Variants in INO80 observed in about 807,000 individuals in gnomAD.
INO80 encodes the protein chromatin-remodeling ATPase INO80.
A neutral mutation model predicts 203.4 loss-of-function variants in INO80; 20 were observed. The ratio of observed to expected loss-of-function variants is 0.10; its 90% confidence interval spans 0.07 to 0.14. The LOEUF is 0.14. Among genes scored for constraint, INO80 ranks in the 10% least tolerant of loss-of-function variants. The pLI, the probability that INO80 is intolerant of heterozygous loss-of-function variation, is 1.00. For synonymous variants in INO80, 726 were observed against 685.2 expected (o/e 1.06, Z -0.93); for missense variants, 1,419 against 1,914.4 (o/e 0.74, Z 4.83).
chr15:41,005,127 G>A (rs1292912960), intron 28 of INO80, among the ~76,000 whole-genome samples: 3 of 150,044 alleles, frequency 2.0e-5, no homozygotes, highest in South Asian at 2.1e-4. Flanking sequence ...CCGGGGAGGC[G>A]GAGGCTGCAG....
At chr15:41,079,589 A>C in intron 9 of INO80, 112 bp downstream of exon 9, 2 of 1,038,030 alleles carry the variant, frequency 1.9e-6, no homozygotes, top group African/African-American at 1.6e-5. Context: ...AAAAAAAAAA[A>C]ACAAAAAATT....
chr15:41,085,594 A>C lies in INO80; in HGVS notation c.659-11T>G. ...CTTTTTTCAACTTAGCTGCAAAAGA[A>C]ACAGATGCAACAGGTTGCACTTCCA... On this transcript the variant is annotated splice_polypyrimidine_tract_variant and intron_variant, in intron 6 of 35. Transcript: ENST00000648947. The C allele has an allele frequency of 6.2e-7, 1 of 1,607,936 alleles. No homozygotes were observed. The highest frequency in any genetic ancestry group is 8.5e-7 in the Non-Finnish European group (1 of 1,175,194).
At position 41,029,668 on chromosome 15, in the gene INO80, G is replaced by A. The variant is rs16971432; in HGVS notation, c.2908-1932C>T. Among the ~76,000 whole-genome samples the A allele has an allele frequency of 8.2e-3, 1,249 of 152,262 alleles. 22 individuals are homozygous for A. The highest frequency in any genetic ancestry group is 0.027 in the African/African-American group (1,123 of 41,550). On this transcript the variant is annotated intron_variant, in intron 24 of 35. Coordinates refer to ENST00000648947, the MANE Select transcript of INO80 (RefSeq NM_017553.3). ...CATCTTGATTTTGGGTAGCATCTCC[G>A]TTGAAGTTCATTATCTCTCTACATG...
intron 7 of INO80, 32 bp from the exon 8 acceptor site, chr15:41,081,105 G>A (rs769065904): frequency 7.1e-7 from 1 of 1,408,022 alleles, no homozygotes; most frequent in South Asian, 1.2e-5. Flanking sequence ...ATTTCATTTA[G>A]GATTCATTTT....
chr15:41,104,525 AG>A (rs1220301359), intron 1 of INO80, among the ~76,000 whole-genome samples: 1 of 151,646 alleles, frequency 6.6e-6, no homozygotes, highest in Non-Finnish European at 1.5e-5. Flanking sequence ...AGTTACTGCC[AG>A]GCCCTTATTT....
chr15:40,996,620 A>AAAGT (rs2043885316), intron 29 of INO80, among the ~76,000 whole-genome samples: 1 of 152,076 alleles, frequency 6.6e-6, no homozygotes. Context: ...CACCACGCCC[A>AAAGT]GCCAGGAATC....
chr15:41,031,149 T>C (rs912851460), intron 24 of INO80, among the ~76,000 whole-genome samples: 4 of 152,178 alleles, frequency 2.6e-5, no homozygotes, highest in African/African-American at 9.6e-5. Context: ...TTACCCAATA[T>C]ATACTTTTCT....
intron 7 of INO80, among the ~76,000 whole-genome samples, chr15:41,081,415 G>T (rs1426374810): frequency 6.6e-6 from 1 of 151,984 alleles, no homozygotes; most frequent in African/African-American, 2.4e-5. Context: ...TGCTTACCAG[G>T]GCCAATCTGC....
chr15:41,087,077 C>T (rs188596137), intron 6 of INO80, among the ~76,000 whole-genome samples: 1 of 152,144 alleles, frequency 6.6e-6, no homozygotes, highest in Admixed American at 6.5e-5. Context: ...ATAGTCTACC[C>T]TTCCTATCTG....
At chr15:41,107,167 C>A (rs2045892019) in intron 1 of INO80, among the ~76,000 whole-genome samples, 1 of 152,136 alleles carries the variant, frequency 6.6e-6, no homozygotes, top group Admixed American at 6.6e-5. Flanking sequence ...AGGCCTTGAC[C>A]TCTAAAAAAA....
At chr15:41,102,105 C>G (rs886845135) in intron 1 of INO80, among the ~76,000 whole-genome samples, 4 of 152,066 alleles carry the variant, frequency 2.6e-5, no homozygotes, top group East Asian at 2.0e-4. Context: ...GCAGGAGAAT[C>G]GCTTGAACCT....
rs1194759496 is a variant in INO80 at position 40,998,284 on chromosome 15, G to A, written c.3498-683C>T. On this transcript the variant is annotated intron_variant, in intron 28 of 35. Transcript: ENST00000648947. ...GATCCGCCCGCCTCGGCCTCCCAAA[G>A]TGCTGGGATTATAGACGCGAGCCAC... Among the ~76,000 whole-genome samples the A allele has an allele frequency of 5.3e-5, 8 of 152,152 alleles. No homozygotes were observed. In the South Asian group the frequency reaches 1.7e-3, roughly 32 times the overall value.
chr15:40,988,121 G>C lies in INO80; in HGVS notation c.3571-147C>G, dbSNP rs563240359. 53 of 593,674 alleles carry C rather than the reference G, an allele frequency of 8.9e-5. No individual in the cohort carries two copies. In the East Asian group the frequency reaches 1.4e-3, roughly 15 times the overall value. The allele number at this position is 593,674 out of a possible 1,614,324, so 36.8% of individuals were successfully genotyped here. The stretch of plus-strand genomic sequence containing the variant: ...ATTGAGCTAAGTAAGATACATCTTA[G>C]AAGATACAAAGCCGTTCCTTCACAT... On this transcript the variant is annotated intron_variant, in intron 29 of 35. Transcript: ENST00000648947.
rs140394841 is a variant in INO80 at position 41,049,334 on chromosome 15, A to C, written c.2529T>G (p.Phe843Leu). 6.2e-7 allele frequency: 1 copy of C among 1,613,966 alleles called. No homozygotes were observed. Among genetic ancestry groups the C allele is most frequent in the African/African-American group, 1.3e-5 (1 of 75,060 alleles). Residue 843 changes from phenylalanine (F) to leucine (L), a missense_variant, in exon 21 of 36, where the codon TTT becomes TTG. Phe to Leu is a conservative substitution (Grantham distance 22). Coordinates refer to ENST00000648947, the MANE Select transcript of INO80 (RefSeq NM_017553.3). Reference protein sequence around the residue: ...ISLKPYHISKFIYRHGQIRVF... With the variant: ...ISLKPYHISKLIYRHGQIRVF... ...CCCTGATCTGTCCATGACGGTAGATAAACTTTGAAATGTGGTATGGCTTTA... is the reference window on the plus strand; with the variant it reads ...CCCTGATCTGTCCATGACGGTAGATCAACTTTGAAATGTGGTATGGCTTTA...
rs2043896550 is a variant in INO80 at position 40,997,613 on chromosome 15, GGA to G, written c.3498-14_3498-13del. On this transcript the variant is annotated splice_polypyrimidine_tract_variant and intron_variant, in intron 28 of 35. Transcript: ENST00000648947. ...CAAAGATGTCATTCCTGCAGAAAAGGGAGAGATATGTTAAAGGAAAAACTGAA... is the reference window on the plus strand; with the variant it reads ...CAAAGATGTCATTCCTGCAGAAAAGGGAGATATGTTAAAGGAAAAACTGAA... 6.3e-7 allele frequency: 1 copy of G among 1,594,284 alleles called. No homozygotes were observed. The highest frequency in any genetic ancestry group is 8.6e-7 in the Non-Finnish European group (1 of 1,162,246).
intron 13 of INO80, 43 bp downstream of exon 13, chr15:41,070,424 T>G (rs1265471750): frequency 4.5e-6 from 7 of 1,545,412 alleles, no homozygotes; most frequent in Non-Finnish European, 6.3e-6. Flanking sequence ...GAAATTACCC[T>G]AAATTCTAGA....
chr15:40,998,213 G>T (rs1468564978), intron 28 of INO80, among the ~76,000 whole-genome samples: 1 of 151,834 alleles, frequency 6.6e-6, no homozygotes, highest in African/African-American at 2.4e-5. Context: ...AGTAGAGACG[G>T]GGTTTCATCA....
At chr15:41,097,417 G>A (rs751486408) in intron 1 of INO80, among the ~76,000 whole-genome samples, 3 of 152,118 alleles carry the variant, frequency 2.0e-5, no homozygotes, top group South Asian at 2.1e-4. Context: ...AGGGTTACAC[G>A]AAGACTAAAT....
intron 14 of INO80, among the ~76,000 whole-genome samples, chr15:41,065,792 C>T (rs2045199777): frequency 6.6e-6 from 1 of 152,108 alleles, no homozygotes; most frequent in Non-Finnish European, 1.5e-5. Flanking sequence ...AAACAGCATT[C>T]ACAAAGTGTT....
Sources: gnomAD v4.1 joint callset for allele counts (sites outside exome capture counted in the v4.1 genomes callset) on GRCh38, gnomAD v4.1.1 for gene constraint, MANE v1.5 for transcripts, NCBI Gene and HGNC (gene_info 2026-07-23, HGNC 2026-07-21) for gene names.